Variants in SAE1 observed in about 807,000 individuals in gnomAD.
SAE1 encodes the protein SUMO-activating enzyme subunit 1.
SAE1 carries 11 observed loss-of-function variants against 40.6 expected under a neutral mutation model. The ratio of observed to expected loss-of-function variants is 0.27; its 90% confidence interval spans 0.17 to 0.45. SAE1 has a LOEUF of 0.45. Ranked by LOEUF, SAE1 falls within the 20% of genes least tolerant of loss-of-function variation. The pLI is 1.00. For synonymous variants in SAE1, 155 were observed against 154.3 expected (o/e 1.00, Z -0.03); for missense variants, 373 against 427.3 (o/e 0.87, Z 1.12).
chr19:47,197,884 T>C (rs1469324940), intron 7 of SAE1, among the ~76,000 whole-genome samples: 1 of 152,028 alleles, frequency 6.6e-6, no homozygotes. Flanking sequence ...AGGAAGGGAG[T>C]TGCTGGGTCA....
intron 6 of SAE1, among the ~76,000 whole-genome samples, chr19:47,170,743 G>T (rs1382894661): frequency 1.3e-5 from 2 of 152,080 alleles, no homozygotes; most frequent in Admixed American, 1.3e-4. Flanking sequence ...CTGAGCTCTA[G>T]TGAAATCCCC....
intron 5 of SAE1, among the ~76,000 whole-genome samples, chr19:47,163,448 C>T (rs1398429432): frequency 2.0e-5 from 3 of 152,046 alleles, no homozygotes; most frequent in African/African-American, 7.2e-5. Flanking sequence ...ATATGGGAGG[C>T]CAGGCGCAGT....
chr19:47,174,363 G>T (rs921623625), intron 6 of SAE1, among the ~76,000 whole-genome samples: 4 of 147,924 alleles, frequency 2.7e-5, no homozygotes, highest in Admixed American at 2.0e-4. Flanking sequence ...TAACTTAAGC[G>T]TATAGGTCAG....
At chr19:47,143,294 G>A (rs561303199) in intron 1 of SAE1, among the ~76,000 whole-genome samples, 200 bp from the exon 2 acceptor site, 2 of 152,106 alleles carry the variant, frequency 1.3e-5, no homozygotes, top group African/African-American at 2.4e-5. Context: ...TAGTAGAGAC[G>A]GGGTTTCACC....
At chr19:47,184,851 TCTCA>T (rs769648596) in intron 6 of SAE1, among the ~76,000 whole-genome samples, 2 of 150,678 alleles carry the variant, frequency 1.3e-5, no homozygotes, top group Non-Finnish European at 3.0e-5. Context: ...TTTGAGACAG[TCTCA>T]CTCTGTCCCC....
intron 6 of SAE1, among the ~76,000 whole-genome samples, chr19:47,195,380 C>T (rs1055586852): frequency 4.6e-5 from 7 of 152,284 alleles, no homozygotes; most frequent in Admixed American, 3.9e-4. Context: ...TCCTATTTGT[C>T]TTTATTTGGG....
intron 6 of SAE1, among the ~76,000 whole-genome samples, chr19:47,173,199 G>A (rs562666527): frequency 7.8e-4 from 118 of 152,148 alleles, no homozygotes; most frequent in African/African-American, 2.8e-3. Context: ...GGGTTCCACC[G>A]TGTTGGCCAG....
At chr19:47,189,812 CG>C (rs2058568491) in intron 6 of SAE1, among the ~76,000 whole-genome samples, 1 of 152,078 alleles carries the variant, frequency 6.6e-6, no homozygotes, top group African/African-American at 2.4e-5. Context: ...CTGGTTTATT[CG>C]GTGGCCTTGG....
At chr19:47,162,904 A>AT (rs2058367923) in intron 5 of SAE1, among the ~76,000 whole-genome samples, 1 of 152,032 alleles carries the variant, frequency 6.6e-6, no homozygotes, top group South Asian at 2.1e-4. Context: ...AGGCGGGAGG[A>AT]TTGCCTGAGC....
chr19:47,193,316 C>G (rs927634488), intron 6 of SAE1, among the ~76,000 whole-genome samples: 1 of 152,048 alleles, frequency 6.6e-6, no homozygotes, highest in Admixed American at 6.6e-5. Context: ...CTGCCTCAGC[C>G]TCTGAAAGTG....
intron 6 of SAE1, among the ~76,000 whole-genome samples, chr19:47,196,999 G>A (rs912246024): frequency 6.6e-6 from 1 of 151,914 alleles, no homozygotes; most frequent in African/African-American, 2.4e-5. Context: ...TGACCAACAT[G>A]GTGAAAACCC....
At chr19:47,165,076 CT>C (rs769656956) in intron 5 of SAE1, among the ~76,000 whole-genome samples, 8,878 of 58,770 alleles carry the variant, frequency 0.15, 112 homozygotes, top group East Asian at 0.24. Context: ...TGAGCCAAGT[CT>C]TTTTTTTTTT....
chr19:47,192,787 AC>A (rs2058587518), intron 6 of SAE1, among the ~76,000 whole-genome samples: 2 of 150,790 alleles, frequency 1.3e-5, no homozygotes, highest in African/African-American at 2.4e-5. Flanking sequence ...TGATCTGCCC[AC>A]CTTAGCCTCC....
intron 6 of SAE1, among the ~76,000 whole-genome samples, chr19:47,173,264 T>C (rs1293014824): frequency 6.6e-6 from 1 of 152,184 alleles, no homozygotes; most frequent in Non-Finnish European, 1.5e-5. Context: ...CCCAAAGTGC[T>C]GGGATTAGAG....
chr19:47,144,810 T>A (rs1362769156), intron 2 of SAE1, among the ~76,000 whole-genome samples: 1 of 152,186 alleles, frequency 6.6e-6, no homozygotes, highest in Non-Finnish European at 1.5e-5. Flanking sequence ...TAATTAGGAA[T>A]AATGATCTGA....
chr19:47,163,439 T>C (rs950635351), intron 5 of SAE1, among the ~76,000 whole-genome samples: 1 of 152,062 alleles, frequency 6.6e-6, no homozygotes, highest in Non-Finnish European at 1.5e-5. Flanking sequence ...ATTTAAAGTA[T>C]ATGGGAGGCC....
chr19:47,204,234 G>A (rs935278184), intron 8 of SAE1, among the ~76,000 whole-genome samples: 1 of 110,080 alleles, frequency 9.1e-6, no homozygotes, highest in African/African-American at 3.6e-5. Flanking sequence ...GTCTCGCTCT[G>A]TCCCCCAGGC....
intron 6 of SAE1, among the ~76,000 whole-genome samples, chr19:47,194,117 A>C (rs1023400189): frequency 2.0e-5 from 3 of 152,120 alleles, no homozygotes; most frequent in Non-Finnish European, 2.9e-5. Flanking sequence ...TGTCCTCCTC[A>C]GTTGTTCTCC....
intron 6 of SAE1, among the ~76,000 whole-genome samples, chr19:47,186,530 G>A (rs1851410432): frequency 6.6e-6 from 1 of 152,146 alleles, no homozygotes; most frequent in Admixed American, 6.6e-5. Context: ...GTGGGTGAGG[G>A]TGCAGGTCCC....
Sources: allele counts gnomAD v4.1 joint callset (sites outside exome capture counted in the v4.1 genomes callset), GRCh38; gene constraint gnomAD v4.1.1; transcripts MANE v1.5; gene names NCBI Gene and HGNC (gene_info 2026-07-23, HGNC 2026-07-21).